WDFY3: variants seen among roughly 807,000 people sequenced by gnomAD.
WDFY3 encodes the protein WD repeat and FYVE domain containing 3.
Under a neutral mutation model 409.6 loss-of-function variants are expected in WDFY3, and 66 were observed. The ratio of observed to expected loss-of-function variants is 0.16; its 90% confidence interval spans 0.13 to 0.20. The LOEUF is 0.20. Ranked by LOEUF, WDFY3 falls within the 10% of genes least tolerant of loss-of-function variation. The pLI, the probability that WDFY3 is intolerant of heterozygous loss-of-function variation, is 1.00. For synonymous variants in WDFY3, 1,521 were observed against 1,537.1 expected, an observed-to-expected ratio of 0.99 and a Z score of 0.25; for missense variants, 3,031 against 4,298.1, an observed-to-expected ratio of 0.71 and a Z score of 8.24.
chr4:84,770,463 T>G (rs945368719), intron 30 of WDFY3, among the ~76,000 whole-genome samples: 9 of 152,240 alleles, frequency 5.9e-5, no homozygotes, highest in Non-Finnish European at 1.5e-5. Context: ...TTAGCTTCAT[T>G]TGCAGTGGTG....
intron 1 of WDFY3, among the ~76,000 whole-genome samples, chr4:84,956,269 G>A (rs370381470): frequency 3.3e-5 from 5 of 152,168 alleles, no homozygotes; most frequent in South Asian, 4.1e-4. Context: ...ATCTCCACTC[G>A]TAACACAGGT....
At chr4:84,856,730 T>C (rs1759808571) in intron 4 of WDFY3, among the ~76,000 whole-genome samples, 1 of 152,176 alleles carries the variant, frequency 6.6e-6, no homozygotes, top group Non-Finnish European at 1.5e-5. Flanking sequence ...CTTTAAAAAC[T>C]AGTCTGTAGC....
intron 64 of WDFY3, among the ~76,000 whole-genome samples, 187 bp downstream of exon 64, chr4:84,682,187 T>C (rs372179405): frequency 2.0e-5 from 3 of 152,214 alleles, no homozygotes; most frequent in Non-Finnish European, 2.9e-5. Context: ...ACACTGAATG[T>C]TGCCCAGTGA....
At chr4:84,926,846 G>T (rs1164894041) in intron 2 of WDFY3, among the ~76,000 whole-genome samples, 1 of 152,076 alleles carries the variant, frequency 6.6e-6, no homozygotes, top group Non-Finnish European at 1.5e-5. Context: ...CAATTCAACA[G>T]AGTTTTTTCT....
At chr4:84,775,313 A>G (rs1336973306) in intron 27 of WDFY3, among the ~76,000 whole-genome samples, 175 bp from the exon 28 acceptor site, 1 of 152,058 alleles carries the variant, frequency 6.6e-6, no homozygotes, top group East Asian at 1.9e-4. Context: ...GGCCAAAAAA[A>G]TGACCAAAAT....
chr4:84,820,986 T>C, intron 11 of WDFY3, 98 bp downstream of exon 11: 2 of 1,167,416 alleles, frequency 1.7e-6, no homozygotes, highest in South Asian at 1.7e-5. Flanking sequence ...CATTAGGAAG[T>C]CATTGAAATC....
chr4:84,842,537 C>CATAT (rs534499855), intron 5 of WDFY3, among the ~76,000 whole-genome samples: 151 of 150,886 alleles, frequency 1.0e-3, no homozygotes, highest in African/African-American at 3.4e-3. Flanking sequence ...TAAAAACTAA[C>CATAT]ATATACTTGG....
At chr4:84,849,450 C>T (rs576208673) in intron 5 of WDFY3, among the ~76,000 whole-genome samples, 1 of 151,980 alleles carries the variant, frequency 6.6e-6, no homozygotes, top group Admixed American at 6.6e-5. Context: ...GATTCTCCTT[C>T]CTCAGTGAAG....
intron 7 of WDFY3, among the ~76,000 whole-genome samples, chr4:84,832,597 G>C (rs1755905377): frequency 6.6e-6 from 1 of 152,002 alleles, no homozygotes; most frequent in Admixed American, 6.6e-5. Flanking sequence ...ATTACACTGT[G>C]ACCTATAAAT....
At chr4:84,953,218 T>C (rs1380818272) in intron 1 of WDFY3, among the ~76,000 whole-genome samples, 1 of 150,870 alleles carries the variant, frequency 6.6e-6, no homozygotes, top group African/African-American at 2.4e-5. Context: ...TCACTTATTA[T>C]CTGGTATCAA....
rs755457877 is a variant in WDFY3 at position 84,716,953 on chromosome 4, G to A, written c.7818C>T (p.Cys2606=). Reference sequence around the variant, plus strand: ...TGATATCTTCATATGCAAAAATGCTGCATGTTCTCTTGAGTTGACTAGGGC... The same window carrying A: ...TGATATCTTCATATGCAAAAATGCTACATGTTCTCTTGAGTTGACTAGGGC... The part of the protein sequence containing the change: ...RQGPSQLKRT[C]SIFAYEDIKE... The change falls in exon 49 of 68, where the codon TGC becomes TGT. Residue 2606 remains cysteine (C), a synonymous_variant. Coordinates refer to ENST00000295888, the MANE Select transcript of WDFY3 (RefSeq NM_014991.6). The A allele has an allele frequency of 1.7e-5, 28 of 1,608,492 alleles. No homozygotes were observed. In the South Asian group the frequency reaches 2.9e-4, roughly 17 times the overall value.
chr4:84,918,503 T>G (rs1768808277), intron 2 of WDFY3, among the ~76,000 whole-genome samples: 1 of 152,068 alleles, frequency 6.6e-6, no homozygotes, highest in Non-Finnish European at 1.5e-5. Flanking sequence ...CTACTAATCA[T>G]TATAAAAGGA....
chr4:84,676,397 T>C (rs566547070), intron 67 of WDFY3, among the ~76,000 whole-genome samples: 4 of 152,202 alleles, frequency 2.6e-5, no homozygotes, highest in Admixed American at 1.3e-4. Context: ...AGAACCTTCA[T>C]GGCCTGTTGG....
At chr4:84,736,949 C>G (rs749202329) in intron 41 of WDFY3, among the ~76,000 whole-genome samples, 12 of 144,438 alleles carry the variant, frequency 8.3e-5, no homozygotes, top group Non-Finnish European at 1.6e-4. Flanking sequence ...CAATGCATTA[C>G]ATTCTGAATG....
chr4:84,826,946 G>A lies in WDFY3; in HGVS notation c.992C>T (p.Ala331Val), dbSNP rs1300783879. ...TATCAGATTAACCAGATCTTTCAAG[G>A]CATCTTTGGATTCTGCCTCTTTTGC... The part of the protein sequence containing the change: ...EQAKEAESKD[A>V]LKDLVNLITS... Residue 331 changes from alanine (A) to valine (V), a missense_variant, in exon 10 of 68, where the codon GCC becomes GTC. Physicochemically the swap from Ala to Val is moderately conservative, Grantham distance 64. Transcript: ENST00000295888. 4 of 1,607,794 alleles carry A rather than the reference G, an allele frequency of 2.5e-6. No individual in the cohort carries two copies. Among genetic ancestry groups the A allele is most frequent in the Non-Finnish European group, 3.4e-6 (4 of 1,178,278 alleles).
chr4:84,765,876 G>C lies in WDFY3; in HGVS notation c.5122C>G (p.Leu1708Val). ...QSILIKFKEG[L>V]SGGGWLEQTD... ...TGTTCAAGCCATCCTCCACCACTGA[G>C]TCCTTCTTTAAACTTGATGAGAATA... The change falls in exon 32 of 68, where the codon CTC becomes GTC. Residue 1708 changes from leucine (L) to valine (V), a missense_variant. By Grantham distance (32) the Leu-to-Val change is conservative. Around this residue, in one of 16 missense-constraint regions of WDFY3, gnomAD observed 342 missense variants for 463.7 expected, o/e 0.74. Coordinates refer to ENST00000295888, the MANE Select transcript of WDFY3 (RefSeq NM_014991.6). 3 of 1,613,844 alleles carry C rather than the reference G, an allele frequency of 1.9e-6. No homozygotes were observed. The highest frequency in any genetic ancestry group is 2.5e-6 in the Non-Finnish European group (3 of 1,179,932).
chr4:84,862,364 G>A (rs1332515154), intron 3 of WDFY3, among the ~76,000 whole-genome samples: 1 of 152,182 alleles, frequency 6.6e-6, no homozygotes, highest in Non-Finnish European at 1.5e-5. Context: ...ATAGGCAAAG[G>A]GCTGGGGGGA....
chr4:84,820,435 A>G (rs1753890418), intron 11 of WDFY3, among the ~76,000 whole-genome samples: 1 of 152,076 alleles, frequency 6.6e-6, no homozygotes, highest in South Asian at 2.1e-4. Flanking sequence ...AAAAATGAAA[A>G]TGCAAAGGTT....
At chr4:84,822,427 G>C (rs908062708) in intron 10 of WDFY3, among the ~76,000 whole-genome samples, 1 of 152,088 alleles carries the variant, frequency 6.6e-6, no homozygotes, top group Non-Finnish European at 1.5e-5. Flanking sequence ...TCAGGGCTGG[G>C]GGCAGTAGCT....
Sources: gnomAD v4.1 joint callset for allele counts (sites outside exome capture counted in the v4.1 genomes callset) on GRCh38, gnomAD v4.1.1 for gene constraint, gnomAD v4.1.1 regional missense constraint, MANE v1.5 for transcripts, NCBI Gene and HGNC (gene_info 2026-07-23, HGNC 2026-07-21) for gene names.